The following PCDHGA3 variants were observed in gnomAD, a reference collection of about 807,000 sequenced individuals.
The protein encoded by PCDHGA3 is protocadherin gamma-A3.
A neutral mutation model predicts 58.5 loss-of-function variants in PCDHGA3; 40 were observed. The ratio of observed to expected loss-of-function variants is 0.68; its 90% CI spans 0.53 to 0.89. PCDHGA3 has a LOEUF of 0.89. Among genes scored for constraint, PCDHGA3 ranks in the 40% least tolerant of loss-of-function variants. The pLI, the probability that PCDHGA3 is intolerant of heterozygous loss-of-function variation, is 0.00. For missense variants in PCDHGA3, 1,223 were observed against 1,195.9 expected (o/e 1.02, Z -0.33); for synonymous variants, 530 against 525.7 (o/e 1.01, Z -0.11).
intron 1 of PCDHGA3, chr5:141,403,938 G>C (rs1181403397): frequency 1.2e-6 from 2 of 1,613,848 alleles, no homozygotes; most frequent in Non-Finnish European, 1.7e-6. Flanking sequence ...GGATTGAAAG[G>C]GTGGACAAAA....
At chr5:141,371,200 T>C in intron 1 of PCDHGA3, 3 of 1,614,034 alleles carry the variant, frequency 1.9e-6, no homozygotes, top group Non-Finnish European at 2.5e-6. Flanking sequence ...GCCATTGACA[T>C]GGATGAGGGC....
chr5:141,359,240 G>A (rs1217262882), intron 1 of PCDHGA3, among the ~76,000 whole-genome samples: 1 of 152,062 alleles, frequency 6.6e-6, no homozygotes, highest in African/African-American at 2.4e-5. Flanking sequence ...ATTGTTTAAA[G>A]TAATTAAGCC....
chr5:141,414,209 A>G (rs2095719803), intron 1 of PCDHGA3: 3 of 1,612,712 alleles, frequency 1.9e-6, no homozygotes, highest in South Asian at 2.2e-5. Flanking sequence ...GAAGATGTAA[A>G]TGACAACAGT....
intron 1 of PCDHGA3, chr5:141,384,849 TC>T (rs2047512750): frequency 6.2e-7 from 1 of 1,613,452 alleles, no homozygotes; most frequent in East Asian, 2.2e-5. Flanking sequence ...AGGACCACGG[TC>T]AGCCTCCTCT....
intron 1 of PCDHGA3, among the ~76,000 whole-genome samples, chr5:141,438,585 TACATAC>T (rs201018754): frequency 0.16 from 9,805 of 59,734 alleles, 612 homozygotes; most frequent in African/African-American, 0.28. Context: ...CATACATACA[TACATAC>T]ATATATATAT....
At chr5:141,446,093 GA>G (rs1217618203) in intron 1 of PCDHGA3, among the ~76,000 whole-genome samples, 1 of 152,118 alleles carries the variant, frequency 6.6e-6, no homozygotes, top group Admixed American at 6.5e-5. Flanking sequence ...ATAAATGGAT[GA>G]ATTATAGATA....
chr5:141,473,260 G>T (rs2099318007), intron 1 of PCDHGA3, among the ~76,000 whole-genome samples: 1 of 152,148 alleles, frequency 6.6e-6, no homozygotes, highest in South Asian at 2.1e-4. Flanking sequence ...ATAGTCCTTA[G>T]TGTATGCTAT....
chr5:141,491,723 G>C lies in PCDHGA3; in HGVS notation c.2425-3084G>C. The C allele has an allele frequency of 1.2e-6, 2 of 1,606,770 alleles. No homozygotes were observed. The highest frequency in any genetic ancestry group is 1.7e-6 in the Non-Finnish European group (2 of 1,177,028). On this transcript the variant is annotated intron_variant, in intron 1 of 3. Transcript: ENST00000253812. The surrounding 1 kb of genome is among the most constrained non-coding windows in gnomAD (Gnocchi z 6.9). The stretch of plus-strand genomic sequence containing the variant: ...CAGGTGAGGGGCTCGGCGCCGCCCC[G>C]GGCGACCCCTGGGGGCGGCACTGGA...
intron 1 of PCDHGA3, among the ~76,000 whole-genome samples, chr5:141,482,072 C>G (rs1010432509): frequency 1.5e-5 from 2 of 133,436 alleles, no homozygotes; most frequent in African/African-American, 5.9e-5. Flanking sequence ...GCAACAAGAA[C>G]AAAACTCACT....
At position 141,476,030 on chromosome 5, in the gene PCDHGA3, G is replaced by A; in HGVS notation, c.2425-18777G>A. On this transcript the variant is annotated intron_variant, in intron 1 of 3. Coordinates refer to ENST00000253812, the MANE Select transcript of PCDHGA3 (RefSeq NM_018916.4). This position sits in a 1 kb window ranked among gnomAD's most constrained non-coding sequence, Gnocchi z 7.6. ...AAAGCCATGTCGGACTCGGCGCCCA[G>A]CGCCCAAGCGCTAACCCGCTGAAAG... 2.7e-6 allele frequency: 4 copies of A among 1,459,176 alleles called. No individual in the cohort carries two copies. The highest frequency in any genetic ancestry group is 3.6e-6 in the Non-Finnish European group (4 of 1,096,658). The allele number at this position is 1,459,176 out of a possible 1,614,324, so 90.4% of individuals were successfully genotyped here. A position where few individuals can be genotyped will look rare whatever the true frequency, so the allele number is the denominator to read the frequency against.
At chr5:141,389,861 C>T in intron 1 of PCDHGA3, 1 of 1,614,062 alleles carries the variant, frequency 6.2e-7, no homozygotes, top group South Asian at 1.1e-5. Context: ...CCACGTTGCA[C>T]CTGGTCTTCG....
In PCDHGA3 at chr5:141,432,265, G is replaced by A. The variant is rs756993242; in HGVS notation, c.2425-62542G>A. On this transcript the variant is annotated intron_variant, in intron 1 of 3. Transcript: ENST00000253812. The surrounding 1 kb of genome is among the most constrained non-coding windows in gnomAD (Gnocchi z 6.0). ...ACACCATCCAAGGGGCAAGCCTATCGTCCTACGTGTCCATCAACTCCGACA... is the reference window on the plus strand; with the variant it reads ...ACACCATCCAAGGGGCAAGCCTATCATCCTACGTGTCCATCAACTCCGACA... 2.5e-6 allele frequency: 4 copies of A among 1,614,092 alleles called. No individual in the cohort carries two copies. The highest frequency in any genetic ancestry group is 1.7e-5 in the Admixed American group (1 of 60,004).
At chr5:141,416,434 A>G (rs2096024040) in intron 1 of PCDHGA3, 1 of 152,222 alleles carries the variant, frequency 6.6e-6, no homozygotes, top group African/African-American at 2.4e-5. Context: ...CTAAGGCTGA[A>G]AGTAAATATG....
At chr5:141,365,228 G>C in intron 1 of PCDHGA3, 1 of 1,613,942 alleles carries the variant, frequency 6.2e-7, no homozygotes, top group Non-Finnish European at 8.5e-7. Flanking sequence ...CAACCTGGGG[G>C]AAATCTCAAC....
At chr5:141,355,793 G>A (rs1157536797) in intron 1 of PCDHGA3, 6 of 1,613,574 alleles carry the variant, frequency 3.7e-6, no homozygotes, top group South Asian at 1.1e-5. Context: ...GTGCTGGAAC[G>A]CGCTCTAGAT....
At chr5:141,383,857 C>T (rs1779530315) in intron 1 of PCDHGA3, 2 of 1,613,810 alleles carry the variant, frequency 1.2e-6, no homozygotes, top group Non-Finnish European at 1.7e-6. Context: ...AATGGAGGTT[C>T]AGGCTCAAGA....
intron 1 of PCDHGA3, chr5:141,389,112 C>G (rs376966829): frequency 1.2e-6 from 2 of 1,613,966 alleles, no homozygotes; most frequent in Non-Finnish European, 1.7e-6. Context: ...TGTTCTAGAC[C>G]GCGAGCAGAA....
Position 141,375,503 on chromosome 5 carries a change from G to A in PCDHGA3, c.2424+29046G>A. 1.5e-5 allele frequency: 24 copies of A among 1,613,982 alleles called. 1 individual carries two copies. The highest frequency in any genetic ancestry group is 2.0e-5 in the Non-Finnish European group (24 of 1,179,940). On this transcript the variant is annotated intron_variant, in intron 1 of 3. Transcript: ENST00000253812. ...CCCCAGGGGTGCCTCCATCTTCTCT[G>A]TGAATGCACTGGACCCTGACGTGGA...
At chr5:141,364,715 A>G (rs566972515) in intron 1 of PCDHGA3, 1 of 1,614,010 alleles carries the variant, frequency 6.2e-7, no homozygotes, top group Admixed American at 1.7e-5. Context: ...TATTAATGAT[A>G]ACTTCCCGCG....
Sources: gnomAD v4.1 joint callset for allele counts (sites outside exome capture counted in the v4.1 genomes callset) on GRCh38, gnomAD v4.1.1 for gene constraint, Gnocchi (gnomAD v3.1) non-coding constraint, MANE v1.5 for transcripts, NCBI Gene and HGNC (gene_info 2026-07-23, HGNC 2026-07-21) for gene names.